The following JAKMIP1 variants were observed in gnomAD, a reference collection of about 807,000 sequenced individuals.
JAKMIP1 encodes janus kinase and microtubule-interacting protein 1.
JAKMIP1 carries 33 observed loss-of-function variants against 113.0 expected under a neutral mutation model. The ratio of observed to expected loss-of-function variants is 0.29; its 90% confidence interval spans 0.22 to 0.39. The LOEUF (loss-of-function observed/expected upper bound fraction) is 0.39, where lower values mean the gene tolerates loss of function less well. Ranked by LOEUF, JAKMIP1 falls within the 10% of genes least tolerant of loss-of-function variation. JAKMIP1 has a pLI of 1.00. For missense variants in JAKMIP1, 813 were observed against 1,080.5 expected, an observed-to-expected ratio of 0.75 and a Z score of 3.47; for synonymous variants, 480 against 459.9, an observed-to-expected ratio of 1.04 and a Z score of -0.56.
intron 2 of JAKMIP1, among the ~76,000 whole-genome samples, chr4:6,111,096 C>T (rs1270497103): frequency 6.6e-6 from 1 of 151,938 alleles, no homozygotes. Context: ...TCAGCCTCTG[C>T]TCTGTGTGGC....
At chr4:6,100,588 ATACT>A (rs1397255948) in intron 3 of JAKMIP1, among the ~76,000 whole-genome samples, 9 of 152,194 alleles carry the variant, frequency 5.9e-5, no homozygotes, top group Non-Finnish European at 8.8e-5. Flanking sequence ...TCTTGGGTAG[ATACT>A]TAGGAGTAGA....
At chr4:6,196,657 G>A (rs1404526221) in intron 1 of JAKMIP1, among the ~76,000 whole-genome samples, 3 of 152,178 alleles carry the variant, frequency 2.0e-5, no homozygotes, top group East Asian at 1.9e-4. Context: ...TCAGGAGTTT[G>A]AGACCAGCCT....
intron 1 of JAKMIP1, among the ~76,000 whole-genome samples, chr4:6,170,331 C>CCA: frequency 6.8e-6 from 1 of 147,502 alleles, no homozygotes; most frequent in Non-Finnish European, 1.5e-5. Flanking sequence ...ATCACCACCA[C>CCA]TCTCCCCACC....
Position 6,044,771 on chromosome 4 carries a change from C to T in JAKMIP1, c.2029-2544G>A, listed in dbSNP as rs978758836. On this transcript the variant is annotated intron_variant, in intron 16 of 20. Transcript: ENST00000409021. The surrounding 1 kb of genome is among the most constrained non-coding windows in gnomAD (Gnocchi z 4.4). ...TAAATTCAACAAGACCTTTTAGCAA[C>T]GGGGAGAGAACATGAAAGCAGAGAG... 5.3e-5 allele frequency among the ~76,000 whole-genome samples: 8 copies of T among 151,766 alleles called. No individual in the cohort carries two copies. Among genetic ancestry groups the T allele is most frequent in the South Asian group, 2.1e-4 (1 of 4,814 alleles).
At chr4:6,148,212 G>T (rs913325320) in intron 1 of JAKMIP1, among the ~76,000 whole-genome samples, 1 of 152,206 alleles carries the variant, frequency 6.6e-6, no homozygotes, top group Non-Finnish European at 1.5e-5. Flanking sequence ...AATAGCAGCT[G>T]GAGTGGACTG....
intron 1 of JAKMIP1, among the ~76,000 whole-genome samples, chr4:6,117,888 C>A (rs993387721): frequency 1.2e-4 from 18 of 152,246 alleles, no homozygotes; most frequent in African/African-American, 4.1e-4. Context: ...GTTTAAGGTT[C>A]TCTCTCTTAT....
chr4:6,107,167 G>A (rs972250433), intron 2 of JAKMIP1, among the ~76,000 whole-genome samples: 1 of 152,170 alleles, frequency 6.6e-6, no homozygotes, highest in Non-Finnish European at 1.5e-5. Flanking sequence ...TCTTTTCCTA[G>A]TGGATTTAGC....
Position 6,064,999 on chromosome 4 carries a change from C to G in JAKMIP1, c.1312G>C (p.Val438Leu). The G allele has an allele frequency of 6.2e-7, 1 of 1,614,180 alleles. No individual in the cohort carries two copies. The change falls in exon 9 of 21, where the codon GTG becomes CTG. Residue 438 changes from valine to leucine, a missense_variant. Val to Leu is a conservative substitution (Grantham distance 32, BLOSUM62 1). Transcript: ENST00000409021. The surrounding 1 kb of genome is among the most constrained non-coding windows in gnomAD (Gnocchi z 4.3). ...KSLKPPKKHVVETFFGFDEES... is the reference protein window; with the variant it reads ...KSLKPPKKHVLETFFGFDEES... ...TCATCAAATCCAAAAAATGTCTCCA[C>G]AACATGCTTCTGTAAAACGCAATTT...
intron 18 of JAKMIP1, among the ~76,000 whole-genome samples, chr4:6,037,416 A>G (rs1323694807): frequency 1.7e-5 from 2 of 114,766 alleles, no homozygotes; most frequent in Admixed American, 7.7e-5. Context: ...AGGTTAACCC[A>G]GTAGCCCTCC....
At position 6,134,299 on chromosome 4, in the gene JAKMIP1, G is replaced by A. The variant is rs187230569; in HGVS notation, c.-147-21302C>T. Among the ~76,000 whole-genome samples, 9 of 152,244 alleles carry A rather than the reference G, an allele frequency of 5.9e-5. No homozygotes were observed. In the South Asian group the frequency reaches 8.3e-4, roughly 14 times the overall value. ...ATGTGGAACTGTGAGTCATTAAACC[G>A]CTTTTCTTTATAAATGACCCAGTCT... On this transcript the variant is annotated intron_variant, in intron 1 of 20. Coordinates refer to ENST00000409021, the MANE Select transcript of JAKMIP1 (RefSeq NM_001099433.2).
At chr4:6,144,061 A>G (rs1183733183) in intron 1 of JAKMIP1, among the ~76,000 whole-genome samples, 1 of 152,214 alleles carries the variant, frequency 6.6e-6, no homozygotes, top group African/African-American at 2.4e-5. Flanking sequence ...CTGCATCATG[A>G]CACAGAGGTC....
intron 9 of JAKMIP1, 27 bp from the exon 10 acceptor site, chr4:6,062,467 T>C: frequency 6.3e-7 from 1 of 1,592,314 alleles, no homozygotes; most frequent in South Asian, 1.1e-5. Flanking sequence ...AGAAAACAAA[T>C]AATCAAGTGC....
rs1712486160 is a variant in JAKMIP1, at chr4:6,098,747, GGAAGGAAA to G, written c.624+6718_624+6725del. Among the ~76,000 whole-genome samples, 2 of 146,726 alleles carry G rather than the reference GGAAGGAAA, an allele frequency of 1.4e-5. 1 individual carries two copies. The highest frequency in any genetic ancestry group is 3.0e-5 in the Non-Finnish European group (2 of 66,270). Reference sequence around the variant, plus strand: ...AAAAGAAAGAAAGAGAAGGAAGGAAGGAAGGAAAGAAAGAGAAAGAAAAGAAAGAAAGA... The same window carrying G: ...AAAAGAAAGAAAGAGAAGGAAGGAAGGAAAGAGAAAGAAAAGAAAGAAAGA... On this transcript the variant is annotated intron_variant, in intron 3 of 20. Coordinates refer to ENST00000409021, the MANE Select transcript of JAKMIP1 (RefSeq NM_001099433.2).
chr4:6,141,171 C>A lies in JAKMIP1; in HGVS notation c.-147-28174G>T, dbSNP rs1219668758. Among the ~76,000 whole-genome samples, 1 of 152,228 alleles carries A rather than the reference C, an allele frequency of 6.6e-6. No individual in the cohort carries two copies. The highest frequency in any genetic ancestry group is 1.5e-5 in the Non-Finnish European group (1 of 68,048). On this transcript the variant is annotated intron_variant, in intron 1 of 20. Coordinates refer to ENST00000409021, the MANE Select transcript of JAKMIP1 (RefSeq NM_001099433.2). This position sits in a 1 kb window ranked among gnomAD's most constrained non-coding sequence, Gnocchi z 9.4. ...GTAGACGAGGCCGGGCGCAGTGGCT[C>A]ATGCCTGTAATCCCAACACTTTGGG...
In JAKMIP1 at chr4:6,197,071, C is replaced by T. The variant is rs1727937748; in HGVS notation, c.-148+3182G>A. 6.6e-6 allele frequency among the ~76,000 whole-genome samples: 1 copy of T among 152,184 alleles called. No individual in the cohort carries two copies. Among genetic ancestry groups the T allele is most frequent in the Non-Finnish European group, 1.5e-5 (1 of 68,034 alleles). The stretch of plus-strand genomic sequence containing the variant: ...CACGTAGACCTCACCCTGTGTGGTG[C>T]CCGTGCAGCAAAGATGAGATAACCC... On this transcript the variant is annotated intron_variant, in intron 1 of 20. Coordinates refer to ENST00000409021, the MANE Select transcript of JAKMIP1 (RefSeq NM_001099433.2). The surrounding 1 kb of genome is among the most constrained non-coding windows in gnomAD (Gnocchi z 6.5).
chr4:6,053,914 G>T, intron 13 of JAKMIP1, 136 bp downstream of exon 13: 1 of 1,532,538 alleles, frequency 6.5e-7, no homozygotes, highest in Middle Eastern at 1.8e-4. Context: ...AAAAAAGAAA[G>T]AAAGAAAGAA....
In JAKMIP1 at chr4:6,153,822, T is replaced by G. The variant is rs1427776353; in HGVS notation, c.-147-40825A>C. ...ATATTTTCCCTAATGCACACTAAAGTATTATTAAAATAAATTATGTTTGGC... is the reference window on the plus strand; with the variant it reads ...ATATTTTCCCTAATGCACACTAAAGGATTATTAAAATAAATTATGTTTGGC... On this transcript the variant is annotated intron_variant, in intron 1 of 20. Transcript: ENST00000409021. The surrounding 1 kb of genome is among the most constrained non-coding windows in gnomAD (Gnocchi z 4.9). Among the ~76,000 whole-genome samples the G allele has an allele frequency of 6.6e-6, 1 of 152,216 alleles. No homozygotes were observed. The highest frequency in any genetic ancestry group is 1.5e-5 in the Non-Finnish European group (1 of 68,044).
At chr4:6,113,891 C>T (rs1191360026) in intron 1 of JAKMIP1, among the ~76,000 whole-genome samples, 5 of 152,180 alleles carry the variant, frequency 3.3e-5, no homozygotes, top group African/African-American at 7.2e-5. Context: ...GAGGGCAGCA[C>T]GTAAGGATGC....
chr4:6,130,758 T>C (rs1371823660), intron 1 of JAKMIP1, among the ~76,000 whole-genome samples: 1 of 152,058 alleles, frequency 6.6e-6, no homozygotes, highest in African/African-American at 2.4e-5. Context: ...TTTCATGGGC[T>C]CATTAGTAGA....
Sources: allele counts gnomAD v4.1 joint callset (sites outside exome capture counted in the v4.1 genomes callset), GRCh38; gene constraint gnomAD v4.1.1; non-coding constraint Gnocchi (gnomAD v3.1); transcripts MANE v1.5; gene names NCBI Gene and HGNC (gene_info 2026-07-23, HGNC 2026-07-21).